Variants in ITPRID1 observed in about 807,000 individuals in gnomAD.
The protein encoded by ITPRID1 is protein ITPRID1.
Under a neutral mutation model 95.4 loss-of-function variants are expected in ITPRID1, and 96 were observed. The ratio of observed to expected loss-of-function variants is 1.01; its 90% CI spans 0.85 to 1.19. The LOEUF (loss-of-function observed/expected upper bound fraction) is 1.19. Among genes scored for constraint, ITPRID1 ranks in the 50% most tolerant of loss-of-function variants. ITPRID1 has a pLI of 0.00. For missense variants in ITPRID1, 1,339 were observed against 1,252.9 expected, an observed-to-expected ratio of 1.07 and a Z score of -1.04; for synonymous variants, 510 against 453.6, an observed-to-expected ratio of 1.12 and a Z score of -1.58.
chr7:31,545,709 G>C (rs1217284543), intron 1 of ITPRID1, among the ~76,000 whole-genome samples: 1 of 152,080 alleles, frequency 6.6e-6, no homozygotes, highest in Non-Finnish European at 1.5e-5. Context: ...GCAGGAGTGA[G>C]CACCCTTCAC....
At chr7:31,568,557 C>G (rs190541918) in intron 5 of ITPRID1, among the ~76,000 whole-genome samples, 13 of 152,310 alleles carry the variant, frequency 8.5e-5, no homozygotes, top group Non-Finnish European at 1.6e-4. Flanking sequence ...CACTGGTGAA[C>G]CTTCTGAGGA....
At chr7:31,579,282 A>T (rs1265053277) in intron 9 of ITPRID1, among the ~76,000 whole-genome samples, 1 of 152,166 alleles carries the variant, frequency 6.6e-6, no homozygotes, top group East Asian at 1.9e-4. Flanking sequence ...TGTGTTATTT[A>T]GTATAATTAC....
intron 10 of ITPRID1, among the ~76,000 whole-genome samples, chr7:31,637,835 G>C (rs557750831): frequency 1.2e-4 from 18 of 152,324 alleles, no homozygotes; most frequent in African/African-American, 3.8e-4. Context: ...GAACAGTATT[G>C]CCTAGGTTTT....
intron 9 of ITPRID1, among the ~76,000 whole-genome samples, chr7:31,578,977 C>A (rs78158313): frequency 6.6e-6 from 1 of 152,140 alleles, no homozygotes; most frequent in African/African-American, 2.4e-5. Flanking sequence ...GGGCCTCAGA[C>A]AAAGCTGTAG....
At chr7:31,568,788 C>T (rs1468078501) in intron 5 of ITPRID1, among the ~76,000 whole-genome samples, 1 of 152,184 alleles carries the variant, frequency 6.6e-6, no homozygotes, top group Non-Finnish European at 1.5e-5. Flanking sequence ...GTTTTCATGT[C>T]CTAACACATA....
chr7:31,522,150 G>T (rs217162), intron 1 of ITPRID1, among the ~76,000 whole-genome samples: 63,027 of 151,462 alleles, frequency 0.42, 14,126 homozygotes, highest in East Asian at 0.61. Context: ...TTAGGAAGTT[G>T]TTTTTCATAT....
At chr7:31,540,621 A>G (rs776640079) in intron 1 of ITPRID1, among the ~76,000 whole-genome samples, 1 of 152,198 alleles carries the variant, frequency 6.6e-6, no homozygotes, top group Non-Finnish European at 1.5e-5. Context: ...CAGTGCAGCA[A>G]GAATAATTAT....
chr7:31,629,630 C>G (rs1386547617), intron 10 of ITPRID1, among the ~76,000 whole-genome samples: 1 of 152,174 alleles, frequency 6.6e-6, no homozygotes, highest in Non-Finnish European at 1.5e-5. Context: ...ATACAATGGT[C>G]AGACCATGGG....
chr7:31,658,339 GA>G, downstream of ITPRID1: 1 of 1,519,208 alleles, frequency 6.6e-7, no homozygotes, highest in Non-Finnish European at 8.8e-7. Flanking sequence ...TGCTAAAGAT[GA>G]AAAAATAAAA....
At chr7:31,624,303 C>T (rs38361) in intron 10 of ITPRID1, among the ~76,000 whole-genome samples, 39,835 of 137,780 alleles carry the variant, frequency 0.29, 6,084 homozygotes, top group Non-Finnish European at 0.34. Context: ...AAAAAGAGCC[C>T]GCATCACCAA....
intron 10 of ITPRID1, among the ~76,000 whole-genome samples, chr7:31,604,933 C>T (rs940898866): frequency 1.3e-5 from 2 of 152,004 alleles, no homozygotes; most frequent in African/African-American, 2.4e-5. Context: ...GTCAGGAGTT[C>T]AAGACCAGCC....
At chr7:31,561,564 A>G (rs1194839031) in intron 5 of ITPRID1, among the ~76,000 whole-genome samples, 1 of 152,188 alleles carries the variant, frequency 6.6e-6, no homozygotes, top group African/African-American at 2.4e-5. Context: ...ATAACTGCAA[A>G]AGGTTGGACA....
chr7:31,658,464 A>C (rs1791392862), downstream of ITPRID1: 1 of 1,347,318 alleles, frequency 7.4e-7, no homozygotes, highest in Admixed American at 2.9e-5. Context: ...GAACATTTGT[A>C]AAGAGGTTAG....
chr7:31,649,066 G>T (rs1199780769), intron 12 of ITPRID1, among the ~76,000 whole-genome samples: 1 of 152,176 alleles, frequency 6.6e-6, no homozygotes, highest in East Asian at 1.9e-4. Flanking sequence ...CACTCACATT[G>T]ATGCAAGAGT....
At chr7:31,516,591 G>A (rs894924532) in intron 1 of ITPRID1, among the ~76,000 whole-genome samples, 22 of 152,044 alleles carry the variant, frequency 1.4e-4, no homozygotes, top group African/African-American at 5.3e-4. Flanking sequence ...GCAGCACCCA[G>A]ATTTGAATGT....
rs376663746 is a variant in ITPRID1 at position 31,571,029 on chromosome 7, T to TTTTG, written c.309-1057_309-1054dup. On this transcript the variant is annotated intron_variant, in intron 6 of 14. Coordinates refer to ENST00000615280, the MANE Select transcript of ITPRID1 (RefSeq NM_001257967.3). ...AGGACAGGGCCCAGCTATTGTTTTT[T>TTTTG]TTTGTTTGTTTGTTTGTTTTTGAGA... 3.1e-4 allele frequency among the ~76,000 whole-genome samples: 47 copies of TTTTG among 151,472 alleles called. 1 individual carries two copies. In the East Asian group the frequency reaches 4.3e-3, roughly 14 times the overall value.
intron 10 of ITPRID1, among the ~76,000 whole-genome samples, chr7:31,595,899 A>C (rs1786069146): frequency 6.6e-6 from 1 of 152,050 alleles, no homozygotes; most frequent in South Asian, 2.1e-4. Flanking sequence ...TAAAGAAAAG[A>C]AATGTAGTCA....
Position 31,651,122 on chromosome 7 carries a change from T to G in ITPRID1, c.2584-20T>G. The G allele has an allele frequency of 6.2e-7, 1 of 1,608,418 alleles. No homozygotes were observed. The highest frequency in any genetic ancestry group is 8.5e-7 in the Non-Finnish European group (1 of 1,177,196). On this transcript the variant is annotated intron_variant, in intron 12 of 14. Coordinates refer to ENST00000615280, the MANE Select transcript of ITPRID1 (RefSeq NM_001257967.3). ...GGATCAGAGAGGACTTTCTTCTCAG[T>G]TCTTTCTCATTGTTCTCAGTGCACA... is the stretch of plus-strand genomic sequence containing the variant.
At chr7:31,584,188 T>C (rs1785504911) in intron 10 of ITPRID1, among the ~76,000 whole-genome samples, 1 of 152,246 alleles carries the variant, frequency 6.6e-6, no homozygotes, top group Non-Finnish European at 1.5e-5. Flanking sequence ...ATGAAGCTCA[T>C]GCATTTCCTG....
Sources: allele counts gnomAD v4.1 joint callset (sites outside exome capture counted in the v4.1 genomes callset), GRCh38; gene constraint gnomAD v4.1.1; transcripts MANE v1.5; gene names NCBI Gene and HGNC (gene_info 2026-07-23, HGNC 2026-07-21).